TBC1D30: variants seen among roughly 807,000 people sequenced by gnomAD.
The protein encoded by TBC1D30 is TBC1 domain family member 30, also known as TBC1 domain family, member 30.
A neutral mutation model predicts 63.2 loss-of-function variants in TBC1D30; 31 were observed. The observed-to-expected ratio is 0.49, with a 90% CI of 0.37 to 0.66. The LOEUF is 0.66. Among genes scored for constraint, TBC1D30 ranks in the 30% least tolerant of loss-of-function variants. The pLI is 0.00. For missense variants in TBC1D30, 810 were observed against 953.6 expected (o/e 0.85, Z 1.98); for synonymous variants, 307 against 361.5 (o/e 0.85, Z 1.71).
chr12:64,826,689 T>G (rs936160000), intron 1 of TBC1D30, among the ~76,000 whole-genome samples: 1 of 152,170 alleles, frequency 6.6e-6, no homozygotes, highest in East Asian at 1.9e-4. Context: ...AAAAAAAAAC[T>G]TATCTATCCA....
chr12:64,775,821 A>G (rs1871062316), upstream of TBC1D30, among the ~76,000 whole-genome samples: 1 of 152,224 alleles, frequency 6.6e-6, no homozygotes, highest in African/African-American at 2.4e-5. Flanking sequence ...AAACAACAGA[A>G]TATACATTCT....
chr12:64,825,096 G>A, intron 1 of TBC1D30, 63 bp downstream of exon 1: 1 of 1,487,172 alleles, frequency 6.7e-7, no homozygotes, highest in South Asian at 1.3e-5. Context: ...CCGCGCTTCT[G>A]CCTTAGCCTG....
chr12:64,808,615 T>G (rs1407541370), intron 2 of TBC1D30, among the ~76,000 whole-genome samples: 1 of 152,230 alleles, frequency 6.6e-6, no homozygotes, highest in Non-Finnish European at 1.5e-5. Flanking sequence ...TTTTACTATC[T>G]TAACCATTTT....
At position 64,875,316 on chromosome 12, in the gene TBC1D30, G is replaced by T; in HGVS notation, c.1814G>T (p.Gly605Val). The change falls in exon 12 of 12, where the codon GGG becomes GTG. Residue 605 changes from glycine to valine, a missense_variant. Transcript: ENST00000539867. Reference protein sequence around the residue: ...QNEASKTNGLGAAEAFPSGCT... With the variant: ...QNEASKTNGLVAAEAFPSGCT... ...GAGGCCAGCAAGACCAATGGGCTGG[G>T]GGCAGCAGAGGCATTCCCCTCTGGT... 2 of 1,536,246 alleles carry T rather than the reference G, an allele frequency of 1.3e-6. No individual in the cohort carries two copies. Among genetic ancestry groups the T allele is most frequent in the African/African-American group, 2.7e-5 (2 of 73,164 alleles).
At chr12:64,761,037 T>C (rs1157689729) in intron 1 of TBC1D30, among the ~76,000 whole-genome samples, 1 of 151,968 alleles carries the variant, frequency 6.6e-6, no homozygotes, top group Non-Finnish European at 1.5e-5. Context: ...AAAACTGAAG[T>C]AGTTTTTCTG....
intron 2 of TBC1D30, among the ~76,000 whole-genome samples, chr12:64,799,574 T>A (rs1305619843): frequency 6.6e-6 from 1 of 152,144 alleles, no homozygotes; most frequent in Admixed American, 6.5e-5. Context: ...ATAATCACTG[T>A]TAGGGATAAT....
At chr12:64,788,506 G>A (rs1871731001) in intron 2 of TBC1D30, among the ~76,000 whole-genome samples, 1 of 152,158 alleles carries the variant, frequency 6.6e-6, no homozygotes, top group Admixed American at 6.5e-5. Context: ...AGGTATATCA[G>A]GTTAGTCCAG....
At chr12:64,840,279 T>C (rs1305725054) in intron 7 of TBC1D30, among the ~76,000 whole-genome samples, 2 of 152,196 alleles carry the variant, frequency 1.3e-5, no homozygotes, top group Admixed American at 1.3e-4. Context: ...ATAGTTTCTT[T>C]GGGTGTGGTA....
chr12:64,775,292 A>G (rs558796473), intron 1 of TBC1D30, among the ~76,000 whole-genome samples: 2 of 152,222 alleles, frequency 1.3e-5, no homozygotes, highest in East Asian at 3.9e-4. Flanking sequence ...TAATAACCTT[A>G]AATGTAAATG....
intron 5 of TBC1D30, 26 bp from the exon 6 acceptor site, chr12:64,836,464 C>T (rs1388725616): frequency 7.9e-6 from 12 of 1,524,932 alleles, no homozygotes; most frequent in East Asian, 2.5e-5. Context: ...ACAAAGCAGT[C>T]TTAAGCTTTA....
intron 2 of TBC1D30, among the ~76,000 whole-genome samples, chr12:64,789,358 A>AT (rs1272678850): frequency 1.3e-5 from 2 of 151,314 alleles, no homozygotes; most frequent in South Asian, 2.1e-4. Flanking sequence ...TAATTTTTGT[A>AT]TTTTTTGTAG....
At chr12:64,791,200 G>A (rs1871899226) in intron 2 of TBC1D30, among the ~76,000 whole-genome samples, 1 of 152,132 alleles carries the variant, frequency 6.6e-6, no homozygotes, top group African/African-American at 2.4e-5. Flanking sequence ...TTACCATATT[G>A]TATGATTCCA....
chr12:64,827,743 A>G (rs1053449528), intron 1 of TBC1D30, 92 bp from the exon 2 acceptor site: 4 of 915,134 alleles, frequency 4.4e-6, no homozygotes, highest in African/African-American at 1.7e-5. Flanking sequence ...AAAAATTGTG[A>G]TGATTCAGTA....
chr12:64,809,181 AT>A (rs1326894203), intron 2 of TBC1D30, among the ~76,000 whole-genome samples: 4 of 152,106 alleles, frequency 2.6e-5, no homozygotes, highest in African/African-American at 9.7e-5. Flanking sequence ...GATTTTTGAG[AT>A]TTTGATGTAC....
chr12:64,788,415 G>A (rs573133447), intron 2 of TBC1D30, among the ~76,000 whole-genome samples: 2 of 152,254 alleles, frequency 1.3e-5, no homozygotes, highest in African/African-American at 4.8e-5. Flanking sequence ...ACCAGCAGCT[G>A]AAAGCACAGA....
At chr12:64,826,442 G>A (rs1264388836) in intron 1 of TBC1D30, among the ~76,000 whole-genome samples, 4 of 152,140 alleles carry the variant, frequency 2.6e-5, no homozygotes, top group Non-Finnish European at 5.9e-5. Flanking sequence ...ATAAGTCAGC[G>A]CGGGACCGAA....
At chr12:64,831,296 A>G (rs1874840306) in intron 4 of TBC1D30, among the ~76,000 whole-genome samples, 1 of 152,180 alleles carries the variant, frequency 6.6e-6, no homozygotes, top group South Asian at 2.1e-4. Flanking sequence ...AAAGTTATGC[A>G]ATTTTACATT....
At chr12:64,785,072 A>G (rs1045946513) in intron 1 of TBC1D30, among the ~76,000 whole-genome samples, 1 of 152,184 alleles carries the variant, frequency 6.6e-6, no homozygotes, top group Non-Finnish European at 1.5e-5. Context: ...TGCCACATTC[A>G]TCTACATTAC....
At chr12:64,852,536 G>C (rs1353720179) in intron 8 of TBC1D30, among the ~76,000 whole-genome samples, 2 of 152,066 alleles carry the variant, frequency 1.3e-5, no homozygotes, top group Non-Finnish European at 2.9e-5. Context: ...TGCTGGTGAG[G>C]AGTTGTGATC....
Sources: gnomAD v4.1 joint callset for allele counts (sites outside exome capture counted in the v4.1 genomes callset) on GRCh38, gnomAD v4.1.1 for gene constraint, MANE v1.5 for transcripts, NCBI Gene and HGNC (gene_info 2026-07-23, HGNC 2026-07-21) for gene names.